The following ZC4H2 variants were observed in gnomAD, a reference collection of about 807,000 sequenced individuals.
The protein encoded by ZC4H2 is zinc finger C4H2-type containing.
For synonymous variants in ZC4H2, 84 were observed against 66.3 expected, an observed-to-expected ratio of 1.27 and a Z score of -1.30; for missense variants, 137 against 173.9, an observed-to-expected ratio of 0.79 and a Z score of 1.19.
chrX:65,002,366 G>A (rs1264520223), intron 1 of ZC4H2, among the ~76,000 whole-genome samples: 4 of 106,387 alleles, frequency 3.8e-5, no homozygotes, highest in South Asian at 4.1e-4. Context: ...GTCAGCCCCC[G>A]CCCGGCCAGC....
At chrX:64,970,498 AAGGG>A (rs1239908302) in intron 1 of ZC4H2, among the ~76,000 whole-genome samples, 9 of 90,367 alleles carry the variant, frequency 1.0e-4, no homozygotes, top group East Asian at 4.4e-4. Context: ...GGAAGAGAGG[AAGGG>A]AGGGAGGGAG....
intron 1 of ZC4H2, chrX:64,922,202 G>A (rs1200998600): frequency 2.3e-6 from 2 of 870,987 alleles, no homozygotes; most frequent in Middle Eastern, 4.7e-4. Context: ...CTTGAGCCCA[G>A]GAGTTTGAAA....
intron 1 of ZC4H2, among the ~76,000 whole-genome samples, chrX:65,033,790 T>C (rs1932968327): frequency 9.0e-6 from 1 of 111,709 alleles, no homozygotes; most frequent in Non-Finnish European, 1.9e-5. Flanking sequence ...TTTAGACAGG[T>C]TAAGAATCTT....
At chrX:65,028,221 T>C (rs978007780) in intron 1 of ZC4H2, among the ~76,000 whole-genome samples, 1 of 111,284 alleles carries the variant, frequency 9.0e-6, no homozygotes, top group African/African-American at 3.3e-5. Context: ...CAGAGGGCTT[T>C]TAAGAAGAGG....
At position 64,969,720 on chromosome X, in the gene ZC4H2, C is replaced by A. The variant is rs749573604; in HGVS notation, c.53+6605G>T. ...GGCTCAGCAATCAATGATTTAAAAG[C>A]CCTTTAGGTGTAACCTCCTGCATGG... On this transcript the variant is annotated intron_variant, in intron 1 of 4. Coordinates refer to ENST00000374839, the MANE Select transcript of ZC4H2 (RefSeq NM_018684.4). 1.4e-4 allele frequency among the ~76,000 whole-genome samples: 16 copies of A among 111,763 alleles called. No individual in the cohort carries two copies. The East Asian group carries it at 4.5e-3, about 31-fold the overall frequency.
intron 1 of ZC4H2, among the ~76,000 whole-genome samples, chrX:64,969,697 C>T (rs1931711993): frequency 9.0e-6 from 1 of 111,700 alleles, no homozygotes; most frequent in African/African-American, 3.3e-5. Context: ...GGAAATGGGG[C>T]TCAGCAATCA....
chrX:64,953,956 G>C (rs937408344), intron 1 of ZC4H2, among the ~76,000 whole-genome samples: 1 of 110,504 alleles, frequency 9.0e-6, no homozygotes, highest in African/African-American at 3.3e-5. Flanking sequence ...AAGAAAATGT[G>C]GCATATATAC....
chrX:65,028,179 G>T (rs186905627), intron 1 of ZC4H2, among the ~76,000 whole-genome samples: 305 of 111,044 alleles, frequency 2.7e-3, no homozygotes, highest in African/African-American at 9.0e-3. Flanking sequence ...TAGCTAGCTA[G>T]CTAGCTAGCT....
rs763952058 is a variant in ZC4H2 at position 64,917,010 on chromosome X, A to G, written c.*773T>C. 4.5e-5 allele frequency: 5 copies of G among 112,180 alleles called. No individual in the cohort carries two copies. The highest frequency in any genetic ancestry group is 9.4e-5 in the Non-Finnish European group (5 of 53,207). The allele number at this position is 112,180 out of a possible 1,213,427, so 9.2% of individuals were successfully genotyped here. On this transcript the variant is annotated 3_prime_UTR_variant, in exon 5 of 5. Coordinates refer to ENST00000374839, the MANE Select transcript of ZC4H2 (RefSeq NM_018684.4). ...AGGAAGCCCCTACAGCCGAGCCCTC[A>G]GCCCTAATGACTTAGGCAGTAGGTT...
intron 1 of ZC4H2, among the ~76,000 whole-genome samples, chrX:65,015,496 A>T (rs1001949131): frequency 8.9e-6 from 1 of 112,158 alleles, no homozygotes; most frequent in Non-Finnish European, 1.9e-5. Flanking sequence ...AAGGACAAGA[A>T]ACACATAAAA....
chrX:64,917,944 G>A, intron 4 of ZC4H2, 48 bp from the exon 5 acceptor site: 1 of 1,166,651 alleles, frequency 8.6e-7, no homozygotes, highest in Non-Finnish European at 1.1e-6. Flanking sequence ...GATTCTTCCA[G>A]GCAACAACTT....
chrX:64,940,206 T>C (rs1254065210), intron 1 of ZC4H2, among the ~76,000 whole-genome samples: 1 of 111,869 alleles, frequency 8.9e-6, no homozygotes, highest in Non-Finnish European at 1.9e-5. Flanking sequence ...ATAAATGTCT[T>C]CTTCTGAGAA....
chrX:64,928,633 C>CTTCTTCTTCTTCTTCTTT (rs1569204026), intron 1 of ZC4H2, among the ~76,000 whole-genome samples: 1 of 10,584 alleles, frequency 9.4e-5, no homozygotes, highest in African/African-American at 4.0e-4. Context: ...CTGCTTTCTC[C>CTTCTTCTTCTTCTTCTTT]TTCTTCTTCT....
upstream of ZC4H2, among the ~76,000 whole-genome samples, chrX:64,978,704 T>C (rs1373303051): frequency 1.8e-5 from 2 of 111,222 alleles, no homozygotes; most frequent in African/African-American, 6.6e-5. Flanking sequence ...TTGGACCAAG[T>C]TACTTGCAGA....
rs767429891 is a variant in ZC4H2, at chrX:64,991,350, G to A, written c.-272+43279C>T. 4.5e-5 allele frequency among the ~76,000 whole-genome samples: 5 copies of A among 111,645 alleles called. No individual in the cohort carries two copies. The South Asian group carries it at 1.9e-3, about 42-fold the overall frequency. ...GAAGATCATCCCAGTGGTCAATACTGGTTAAGCATAGGACTTATCAGTGGT... is the reference window on the plus strand; with the variant it reads ...GAAGATCATCCCAGTGGTCAATACTAGTTAAGCATAGGACTTATCAGTGGT... On this transcript the variant is annotated intron_variant, in intron 1 of 4. Coordinates refer to the ZC4H2 transcript ENST00000337990.
chrX:65,002,425 G>A lies in ZC4H2; in HGVS notation c.-272+32204C>T, dbSNP rs773332696. Among the ~76,000 whole-genome samples the A allele has an allele frequency of 3.1e-3, 329 of 107,363 alleles. 2 individuals carry two copies. The highest frequency in any genetic ancestry group is 4.6e-3 in the South Asian group (11 of 2,375). 93.2% of individuals were successfully genotyped at this position (107,363 alleles called of 115,157 possible). ...GGGGTCAGCCCCCGCCCGGCCAGCC[G>A]CCCCATCCGGGAGGTGGGGGGCGCC... On this transcript the variant is annotated intron_variant, in intron 1 of 4. Coordinates refer to the ZC4H2 transcript ENST00000337990.
chrX:64,918,736 C>T (rs1428966719), intron 4 of ZC4H2: 2 of 201,668 alleles, frequency 9.9e-6, no homozygotes, highest in African/African-American at 5.9e-5. Context: ...CCTGCTGGTT[C>T]CCTCATTTAT....
At chrX:64,991,413 T>C (rs1456225373) in intron 1 of ZC4H2, among the ~76,000 whole-genome samples, 3 of 111,562 alleles carry the variant, frequency 2.7e-5, no homozygotes, top group Admixed American at 9.5e-5. Flanking sequence ...TTAAGAACCC[T>C]GACATATTAC....
chrX:64,957,652 G>A (rs751392221), intron 1 of ZC4H2, among the ~76,000 whole-genome samples: 78 of 110,069 alleles, frequency 7.1e-4, no homozygotes, highest in Admixed American at 1.6e-3. Flanking sequence ...TTGAGGCCAG[G>A]AGTTTGAGAC....
Sources: gnomAD v4.1 joint callset for allele counts (sites outside exome capture counted in the v4.1 genomes callset) on GRCh38, gnomAD v4.1.1 for gene constraint, MANE v1.5 for transcripts, NCBI Gene and HGNC (gene_info 2026-07-23, HGNC 2026-07-21) for gene names.